WDFY3: variants seen among roughly 807,000 people sequenced by gnomAD.
WDFY3 encodes WD repeat and FYVE domain containing 3, also known as WD repeat and FYVE domain-containing protein 3.
WDFY3 carries 66 observed loss-of-function variants against 409.6 expected under a neutral mutation model. The observed-to-expected ratio is 0.16, with a 90% CI of 0.13 to 0.20. The LOEUF (loss-of-function observed/expected upper bound fraction) is 0.20, where lower values mean the gene tolerates loss of function less well. Among genes scored for constraint, WDFY3 ranks in the 10% least tolerant of loss-of-function variants. The probability of loss-of-function intolerance (pLI) is 1.00; values close to 1 mark genes in which losing one functional copy is unlikely to be tolerated. For missense variants in WDFY3, 3,031 were observed against 4,298.1 expected, an observed-to-expected ratio of 0.71 and a Z score of 8.24; for synonymous variants, 1,521 against 1,537.1, an observed-to-expected ratio of 0.99 and a Z score of 0.25.
At chr4:84,950,592 C>G (rs189247965) in intron 1 of WDFY3, among the ~76,000 whole-genome samples, 3 of 152,152 alleles carry the variant, frequency 2.0e-5, no homozygotes, top group Non-Finnish European at 2.9e-5. Flanking sequence ...GAGATCGAGA[C>G]CATCCTGATT....
rs1330792286 is a variant in WDFY3 at position 84,704,376 on chromosome 4, T to G, written c.8404A>C (p.Arg2802=). 1.9e-6 allele frequency: 3 copies of G among 1,612,780 alleles called. No homozygotes were observed. The highest frequency in any genetic ancestry group is 2.5e-6 in the Non-Finnish European group (3 of 1,179,436). The change falls in exon 55 of 68, where the codon AGG becomes CGG. Residue 2802 remains arginine, a synonymous_variant. Transcript: ENST00000295888. ...AATATCTGTGTGAAAGGCTCCATCC[T>G]TACAAGGTATGAGGCCACAATCATT... ...SAMIVASYLV[R]MEPFTQIFLR...
chr4:84,847,628 G>T (rs1490332565), intron 5 of WDFY3, among the ~76,000 whole-genome samples: 1 of 142,668 alleles, frequency 7.0e-6, no homozygotes, highest in Non-Finnish European at 1.5e-5. Flanking sequence ...AAAAAAATTA[G>T]CCGGGCATGG....
intron 5 of WDFY3, chr4:84,849,595 G>T: frequency 1.3e-5 from 2 of 151,020 alleles, no homozygotes; most frequent in Non-Finnish European, 1.4e-5. Flanking sequence ...AAAAAGACCA[G>T]ATGATAGCTT....
In WDFY3 at chr4:84,679,006, C is replaced by T; in HGVS notation, c.10060G>A (p.Gly3354Ser). The T allele has an allele frequency of 6.2e-7, 1 of 1,614,170 alleles. No individual in the cohort carries two copies. Among genetic ancestry groups the T allele is most frequent in the Non-Finnish European group, 8.5e-7 (1 of 1,180,032 alleles). Reference sequence around the variant, plus strand: ...CCCTGCAGATGGGCTCTGGTCTGGCCCTCTGAATAGTTCACAAATATGAAG... The same window carrying T: ...CCCTGCAGATGGGCTCTGGTCTGGCTCTCTGAATAGTTCACAAATATGAAG... ...DGFIFVNYSE[G>S]QTRAHLQGPL... Residue 3354 changes from glycine (G) to serine (S), a missense_variant, in exon 65 of 68, where the codon GGC becomes AGC. Around this residue, in one of 16 missense-constraint regions of WDFY3, gnomAD observed 378 missense variants for 477.3 expected, o/e 0.79. Coordinates refer to ENST00000295888, the MANE Select transcript of WDFY3 (RefSeq NM_014991.6).
At chr4:84,871,644 T>C (rs1762147077) in intron 3 of WDFY3, among the ~76,000 whole-genome samples, 3 of 152,104 alleles carry the variant, frequency 2.0e-5, no homozygotes, top group African/African-American at 7.2e-5. Context: ...TTTTTTCTTT[T>C]TTCTTTTTTT....
At position 84,797,132 on chromosome 4, in the gene WDFY3, C is replaced by T. The variant is rs577920609; in HGVS notation, c.2936-380G>A. On this transcript the variant is annotated intron_variant, in intron 18 of 67. Coordinates refer to ENST00000295888, the MANE Select transcript of WDFY3 (RefSeq NM_014991.6). ...TAATTCTCTTTGAGGGAAAAGTAAA[C>T]AATTTTAGACCATTAAAATGAAAAG... 3.3e-5 allele frequency among the ~76,000 whole-genome samples: 5 copies of T among 152,138 alleles called. No homozygotes were observed. The South Asian group carries it at 6.2e-4, about 19-fold the overall frequency.
chr4:84,794,439 G>C (rs138039490), intron 21 of WDFY3, 80 bp downstream of exon 21: 132 of 1,325,306 alleles, frequency 1.0e-4, no homozygotes, highest in East Asian at 5.6e-4. Context: ...GTTATTATTA[G>C]CTGGACTTTT....
chr4:84,947,538 TA>T (rs1208612091), intron 1 of WDFY3, among the ~76,000 whole-genome samples: 2 of 144,976 alleles, frequency 1.4e-5, no homozygotes, highest in African/African-American at 2.5e-5. Context: ...ATAATAATAA[TA>T]ATAAAAATAA....
At chr4:84,807,484 C>T (rs2149704192) in intron 15 of WDFY3, among the ~76,000 whole-genome samples, 1 of 152,190 alleles carries the variant, frequency 6.6e-6, no homozygotes, top group South Asian at 2.1e-4. Flanking sequence ...GTTTCAAAAT[C>T]TGAACAACAG....
chr4:84,736,402 G>T (rs555935130), intron 41 of WDFY3, 75 bp from the exon 42 acceptor site: 198 of 1,388,010 alleles, frequency 1.4e-4, no homozygotes, highest in Admixed American at 4.3e-4. Context: ...AACTTATCTG[G>T]TTATAAACTA....
intron 3 of WDFY3, among the ~76,000 whole-genome samples, chr4:84,863,094 C>T (rs985383599): frequency 9.9e-5 from 15 of 152,214 alleles, no homozygotes; most frequent in Non-Finnish European, 4.4e-5. Flanking sequence ...CGCACACATA[C>T]ATATCTGCTT....
chr4:84,958,430 T>TA lies in WDFY3; in HGVS notation c.-226+7778dup, dbSNP rs1261122767. ...AAATAAAAAATCAGAAGTTTTTTTT[T>TA]AAAAAATTCCAGTTCCTCCCATCCA... On this transcript the variant is annotated intron_variant, in intron 1 of 67. Coordinates refer to ENST00000295888, the MANE Select transcript of WDFY3 (RefSeq NM_014991.6). Among the ~76,000 whole-genome samples, 323 of 152,238 alleles carry TA rather than the reference T, an allele frequency of 2.1e-3. 2 individuals are homozygous for TA. The highest frequency in any genetic ancestry group is 7.5e-3 in the African/African-American group (310 of 41,532).
At chr4:84,842,039 A>C (rs1298086401) in intron 5 of WDFY3, among the ~76,000 whole-genome samples, 2 of 152,210 alleles carry the variant, frequency 1.3e-5, no homozygotes, top group African/African-American at 4.8e-5. Context: ...ACTTGGAAGA[A>C]TCTTCAAAAG....
chr4:84,859,170 G>C (rs1206711732), intron 4 of WDFY3, among the ~76,000 whole-genome samples: 1 of 152,048 alleles, frequency 6.6e-6, no homozygotes, highest in Non-Finnish European at 1.5e-5. Flanking sequence ...AGGAGAACAA[G>C]TTCTATAATA....
chr4:84,726,757 T>C (rs771552213), intron 45 of WDFY3, 104 bp downstream of exon 45: 107 of 979,938 alleles, frequency 1.1e-4, no homozygotes, highest in Non-Finnish European at 1.3e-4. Context: ...TGAAAGCCAA[T>C]CTTTTAAGTT....
At chr4:84,964,262 G>T (rs1378468592) in intron 1 of WDFY3, among the ~76,000 whole-genome samples, 1 of 152,140 alleles carries the variant, frequency 6.6e-6, no homozygotes, top group Non-Finnish European at 1.5e-5. Context: ...GAGGCCAGGA[G>T]TTCAAGATCA....
intron 1 of WDFY3, among the ~76,000 whole-genome samples, chr4:84,943,273 G>C (rs765615777): frequency 2.0e-5 from 3 of 152,032 alleles, no homozygotes; most frequent in Non-Finnish European, 2.9e-5. Flanking sequence ...AGGCCGAGGC[G>C]GGCGGATCAC....
chr4:84,769,258 G>A (rs932162354), intron 30 of WDFY3, among the ~76,000 whole-genome samples: 7 of 152,124 alleles, frequency 4.6e-5, no homozygotes, highest in African/African-American at 1.7e-4. Context: ...ATTGATATAG[G>A]AGTGACAGTT....
intron 1 of WDFY3, among the ~76,000 whole-genome samples, chr4:84,947,204 G>C (rs1215440222): frequency 6.6e-6 from 1 of 151,706 alleles, no homozygotes; most frequent in Non-Finnish European, 1.5e-5. Flanking sequence ...AGGAGTCTAG[G>C]AAGAAGGTAT....
Sources: gnomAD v4.1 joint callset for allele counts (sites outside exome capture counted in the v4.1 genomes callset) on GRCh38, gnomAD v4.1.1 for gene constraint, gnomAD v4.1.1 regional missense constraint, MANE v1.5 for transcripts, NCBI Gene and HGNC (gene_info 2026-07-23, HGNC 2026-07-21) for gene names.